Variants in CPQ observed in about 807,000 individuals in gnomAD.
The protein encoded by CPQ is carboxypeptidase Q.
CPQ carries 37 observed loss-of-function variants against 45.7 expected under a neutral mutation model. The ratio of observed to expected loss-of-function variants is 0.81; its 90% confidence interval spans 0.62 to 1.07. The LOEUF is 1.07. Among genes scored for constraint, CPQ ranks in the 50% least tolerant of loss-of-function variants. The pLI is 0.00. For missense variants in CPQ, 537 were observed against 572.9 expected, an observed-to-expected ratio of 0.94 and a Z score of 0.64; for synonymous variants, 186 against 205.8, an observed-to-expected ratio of 0.90 and a Z score of 0.82.
At chr8:97,118,248 G>T (rs1217358311) in intron 7 of CPQ, among the ~76,000 whole-genome samples, 1 of 151,814 alleles carries the variant, frequency 6.6e-6, no homozygotes. Context: ...CTTTTTTTCT[G>T]GAAAATGTTC....
chr8:96,973,419 A>G (rs1813716013), intron 5 of CPQ, among the ~76,000 whole-genome samples: 1 of 152,192 alleles, frequency 6.6e-6, no homozygotes, highest in South Asian at 2.1e-4. Flanking sequence ...GGAAGAAGAG[A>G]AATCTAAAAG....
chr8:96,852,442 C>CT (rs2130861083), intron 3 of CPQ, among the ~76,000 whole-genome samples: 1 of 152,238 alleles, frequency 6.6e-6, no homozygotes, highest in African/African-American at 2.4e-5. Context: ...GGAAGTGGTG[C>CT]TTTTCCTTCC....
chr8:96,665,523 G>A, intron 1 of CPQ, among the ~76,000 whole-genome samples: 1 of 152,194 alleles, frequency 6.6e-6, no homozygotes. Context: ...CCCGAGTTAG[G>A]GAAGATTTAG....
chr8:96,853,387 C>G (rs980099745), intron 3 of CPQ, among the ~76,000 whole-genome samples: 2 of 152,192 alleles, frequency 1.3e-5, no homozygotes, highest in South Asian at 2.1e-4. Context: ...TGGAATTTCT[C>G]CTGTGAAGAC....
intron 7 of CPQ, among the ~76,000 whole-genome samples, chr8:97,093,096 T>C (rs1811151901): frequency 6.6e-6 from 1 of 151,884 alleles, no homozygotes. Context: ...ATCAGAGAAA[T>C]GCAAATCAAA....
At chr8:97,094,965 T>C (rs1199769881) in intron 7 of CPQ, among the ~76,000 whole-genome samples, 1 of 152,164 alleles carries the variant, frequency 6.6e-6, no homozygotes, top group Admixed American at 6.5e-5. Context: ...TTTTCTTGTT[T>C]GATTTTTCTG....
chr8:96,708,287 C>A (rs1395954452), intron 1 of CPQ, among the ~76,000 whole-genome samples: 5 of 152,022 alleles, frequency 3.3e-5, no homozygotes, highest in African/African-American at 9.7e-5. Context: ...AATCTTAAAT[C>A]CCTTTTGCTA....
At chr8:96,916,974 T>C (rs993394791) in intron 4 of CPQ, among the ~76,000 whole-genome samples, 1 of 152,162 alleles carries the variant, frequency 6.6e-6, no homozygotes, top group Non-Finnish European at 1.5e-5. Flanking sequence ...CTTATTGCTG[T>C]TGATGGTAAC....
At chr8:96,682,995 T>C (rs1012811258) in intron 1 of CPQ, among the ~76,000 whole-genome samples, 1 of 152,218 alleles carries the variant, frequency 6.6e-6, no homozygotes, top group African/African-American at 2.4e-5. Flanking sequence ...ATATGATTTT[T>C]GGTTGTTTTA....
chr8:96,674,942 G>A (rs1178674461), intron 1 of CPQ, among the ~76,000 whole-genome samples: 1 of 151,810 alleles, frequency 6.6e-6, no homozygotes, highest in South Asian at 2.1e-4. Flanking sequence ...TTGAAACACC[G>A]ATACCCTTAA....
chr8:96,753,986 CTTA>C (rs1313331379), intron 1 of CPQ, among the ~76,000 whole-genome samples: 3 of 151,698 alleles, frequency 2.0e-5, no homozygotes, highest in African/African-American at 4.8e-5. Flanking sequence ...ATTATGTCCT[CTTA>C]TTTGACCTAG....
chr8:96,891,687 C>G (rs1159663314), intron 4 of CPQ, among the ~76,000 whole-genome samples: 1 of 152,140 alleles, frequency 6.6e-6, no homozygotes, highest in Admixed American at 6.6e-5. Flanking sequence ...ACTCAGAGGT[C>G]CATCCTTAAA....
intron 7 of CPQ, among the ~76,000 whole-genome samples, chr8:97,073,423 C>T (rs1810787997): frequency 1.3e-5 from 2 of 152,182 alleles, no homozygotes; most frequent in South Asian, 4.1e-4. Flanking sequence ...GGCTCTATAT[C>T]CCCTGTTGTC....
At chr8:97,088,937 C>A (rs1811083186) in intron 7 of CPQ, among the ~76,000 whole-genome samples, 1 of 152,032 alleles carries the variant, frequency 6.6e-6, no homozygotes. Context: ...TTACAGGTGA[C>A]CCTTCTATTT....
At chr8:96,734,764 A>C (rs1207313645) in intron 1 of CPQ, among the ~76,000 whole-genome samples, 2 of 151,894 alleles carry the variant, frequency 1.3e-5, no homozygotes. Context: ...ATAAAATAAA[A>C]AAATAAAATA....
intron 4 of CPQ, among the ~76,000 whole-genome samples, chr8:96,880,822 G>A (rs1812214413): frequency 6.6e-6 from 1 of 151,668 alleles, no homozygotes; most frequent in African/African-American, 2.4e-5. Context: ...CTACCTGTTG[G>A]GTACTACATT....
At chr8:97,058,072 G>GTACT (rs1281065971) in intron 6 of CPQ, among the ~76,000 whole-genome samples, 1 of 152,130 alleles carries the variant, frequency 6.6e-6, no homozygotes, top group Non-Finnish European at 1.5e-5. Context: ...TTTGTAAAGA[G>GTACT]TACTTGATCA....
At chr8:96,720,997 G>A (rs1418947591) in intron 1 of CPQ, among the ~76,000 whole-genome samples, 1 of 151,650 alleles carries the variant, frequency 6.6e-6, no homozygotes, top group Non-Finnish European at 1.5e-5. Flanking sequence ...CAGAATGCCA[G>A]TATCTTCCAA....
chr8:97,105,314 T>C (rs916700960), intron 7 of CPQ, among the ~76,000 whole-genome samples: 2 of 152,206 alleles, frequency 1.3e-5, no homozygotes, highest in Non-Finnish European at 2.9e-5. Flanking sequence ...AATAATACAA[T>C]ATTTGTCCTT....
Sources: gnomAD v4.1 joint callset for allele counts (sites outside exome capture counted in the v4.1 genomes callset) on GRCh38, gnomAD v4.1.1 for gene constraint, MANE v1.5 for transcripts, NCBI Gene and HGNC (gene_info 2026-07-23, HGNC 2026-07-21) for gene names.